Variants in TAFA5 observed in about 807,000 individuals in gnomAD.
The protein encoded by TAFA5 is TAFA chemokine like family member 5.
A neutral mutation model predicts 15.3 loss-of-function variants in TAFA5; 6 were observed. The observed-to-expected ratio is 0.39, with a 90% confidence interval of 0.21 to 0.77. The LOEUF is 0.77. TAFA5 is among the 30% of genes least tolerant of loss of function. TAFA5 has a pLI of 0.41. For missense variants in TAFA5, 161 were observed against 193.1 expected (o/e 0.83, Z 0.98); for synonymous variants, 103 against 80.7 (o/e 1.28, Z -1.48).
chr22:48,515,708 G>C (rs890937134), intron 1 of TAFA5, among the ~76,000 whole-genome samples: 22 of 152,322 alleles, frequency 1.4e-4, no homozygotes, highest in Middle Eastern at 3.4e-3. Context: ...GGAGGCCCCC[G>C]GCTCCAGGCG....
intron 1 of TAFA5, among the ~76,000 whole-genome samples, chr22:48,509,736 G>A (rs1317071103): frequency 1.3e-5 from 2 of 152,122 alleles, no homozygotes; most frequent in Admixed American, 6.5e-5. Flanking sequence ...CGGATCACGA[G>A]GTCAGAAGAT....
rs186967406 is a variant in TAFA5 at position 48,729,976 on chromosome 22, G to A, written c.391-19863G>A. ...CAGCATTGTCCCGAGGGCAGCAGCC[G>A]CCTCTGGGGATCCGTGTCCCTGGAA... On this transcript the variant is annotated intron_variant, in intron 3 of 3. Transcript: ENST00000402357. Among the ~76,000 whole-genome samples the A allele has an allele frequency of 7.4e-3, 1,119 of 152,160 alleles. 8 individuals carry two copies. Among genetic ancestry groups the A allele is most frequent in the Non-Finnish European group, 0.012 (814 of 67,996 alleles).
intron 2 of TAFA5, among the ~76,000 whole-genome samples, chr22:48,655,585 A>G (rs1445554428): frequency 6.6e-6 from 1 of 152,044 alleles, no homozygotes; most frequent in East Asian, 1.9e-4. Context: ...TGGAGCTTTC[A>G]TGACCTGAAC....
intron 1 of TAFA5, among the ~76,000 whole-genome samples, chr22:48,595,539 A>T (rs1375449175): frequency 6.6e-6 from 1 of 152,232 alleles, no homozygotes; most frequent in Non-Finnish European, 1.5e-5. Context: ...GATTGAAGCC[A>T]CTGGGGCTCT....
intron 1 of TAFA5, among the ~76,000 whole-genome samples, chr22:48,568,040 G>A (rs1923465448): frequency 6.6e-6 from 1 of 152,178 alleles, no homozygotes; most frequent in African/African-American, 2.4e-5. Flanking sequence ...GTGAGTTCAC[G>A]ACCTCTATTT....
At chr22:48,632,588 T>C (rs1926272188) in intron 1 of TAFA5, among the ~76,000 whole-genome samples, 1 of 151,544 alleles carries the variant, frequency 6.6e-6, no homozygotes, top group South Asian at 2.1e-4. Flanking sequence ...TGCCGGGCCC[T>C]GGAGAGGCTG....
At chr22:48,576,337 T>A in intron 1 of TAFA5, 1 of 1,064,454 alleles carries the variant, frequency 9.4e-7, no homozygotes. Context: ...GAGTGGCGCC[T>A]CCAGTCGCGG....
chr22:48,564,945 G>C (rs77281133), intron 1 of TAFA5, among the ~76,000 whole-genome samples: 87 of 152,358 alleles, frequency 5.7e-4, no homozygotes, highest in African/African-American at 2.0e-3. Context: ...AGCTGGGAGA[G>C]TTGTAAGCTG....
At chr22:48,700,333 G>A (rs1487028328) in intron 2 of TAFA5, among the ~76,000 whole-genome samples, 1 of 152,144 alleles carries the variant, frequency 6.6e-6, no homozygotes, top group Admixed American at 6.5e-5. Context: ...GGGTGGGGTA[G>A]GCATCGGCCT....
At chr22:48,710,301 G>A (rs1222560882) in intron 3 of TAFA5, among the ~76,000 whole-genome samples, 1 of 152,206 alleles carries the variant, frequency 6.6e-6, no homozygotes. Flanking sequence ...CTGTCAGGCT[G>A]CCTGGATAAT....
intron 3 of TAFA5, among the ~76,000 whole-genome samples, chr22:48,731,076 G>A (rs749405834): frequency 1.3e-5 from 2 of 152,146 alleles, no homozygotes; most frequent in Non-Finnish European, 2.9e-5. Context: ...GTGAATATAC[G>A]AATGATAAGA....
At position 48,489,949 on chromosome 22, in the gene TAFA5, C is replaced by G. The variant is rs1047283499; in HGVS notation, c.112+245C>G. Reference sequence around the variant, plus strand: ...GCCCGAGCCTCCCTTCCCTGACTCCCCGGCAGGGCCCGGGCTCCAGGCCCC... The same window carrying G: ...GCCCGAGCCTCCCTTCCCTGACTCCGCGGCAGGGCCCGGGCTCCAGGCCCC... On this transcript the variant is annotated intron_variant, in intron 1 of 3. Transcript: ENST00000402357. This position sits in a 1 kb window ranked among gnomAD's most constrained non-coding sequence, Gnocchi z 5.5. Among the ~76,000 whole-genome samples the G allele has an allele frequency of 1.3e-5, 2 of 151,810 alleles. No homozygotes were observed. The highest frequency in any genetic ancestry group is 4.8e-5 in the African/African-American group (2 of 41,386).
rs947003858 is a variant in TAFA5 at position 48,675,369 on chromosome 22, G to A, written c.262+28623G>A. 4.6e-5 allele frequency among the ~76,000 whole-genome samples: 7 copies of A among 152,362 alleles called. No homozygotes were observed. The South Asian group carries it at 6.2e-4, about 14-fold the overall frequency. ...AACTCTGGGCCTCAGAGGTTGCAGC[G>A]GGAGACAGAGCAGGGGATGCAGAGC... On this transcript the variant is annotated intron_variant, in intron 2 of 3. Coordinates refer to ENST00000402357, the MANE Select transcript of TAFA5 (RefSeq NM_001082967.3).
intron 1 of TAFA5, among the ~76,000 whole-genome samples, chr22:48,583,265 CACACCACACACCACACACAAAAT>C (rs1327929262): frequency 4.7e-5 from 7 of 149,568 alleles, no homozygotes; most frequent in Non-Finnish European, 7.4e-5. Context: ...ACACTATACA[CACACCACACACCACACACAAAAT>C]ACACCACACA....
intron 2 of TAFA5, among the ~76,000 whole-genome samples, chr22:48,649,700 G>A (rs922064920): frequency 3.9e-5 from 6 of 152,018 alleles, no homozygotes; most frequent in African/African-American, 1.4e-4. Context: ...CTGGCTGCCT[G>A]TATCTGGAGC....
chr22:48,699,485 G>T (rs1928835781), intron 2 of TAFA5, among the ~76,000 whole-genome samples: 2 of 152,198 alleles, frequency 1.3e-5, no homozygotes, highest in South Asian at 4.2e-4. Flanking sequence ...GCTCCAGGGT[G>T]GAGAGATGTA....
rs1322548976 is a variant in TAFA5 at position 48,640,857 on chromosome 22, C to T, written c.113-5740C>T. ...GACAACTTCTGTCTGAAGCTGAGACCGTGGGGGCACCGTGGCCCTTGTTGG... is the reference window on the plus strand; with the variant it reads ...GACAACTTCTGTCTGAAGCTGAGACTGTGGGGGCACCGTGGCCCTTGTTGG... On this transcript the variant is annotated intron_variant, in intron 1 of 3. Transcript: ENST00000402357. 6.1e-5 allele frequency among the ~76,000 whole-genome samples: 9 copies of T among 147,320 alleles called. No individual in the cohort carries two copies. The East Asian group carries it at 8.1e-4, about 13-fold the overall frequency.
Position 48,512,501 on chromosome 22 carries a change from G to A in TAFA5, c.112+22797G>A, listed in dbSNP as rs188508798. ...TGGGCACCTGTCATCCCAGCTACTC[G>A]GGAGGCTGAGGCAAGAGAGTGGCTT... On this transcript the variant is annotated intron_variant, in intron 1 of 3. Transcript: ENST00000402357. Among the ~76,000 whole-genome samples, 29 of 152,226 alleles carry A rather than the reference G, an allele frequency of 1.9e-4. No homozygotes were observed. The East Asian group carries it at 5.6e-3, about 29-fold the overall frequency.
intron 1 of TAFA5, among the ~76,000 whole-genome samples, chr22:48,491,931 ATAAT>A (rs1199983637): frequency 6.6e-6 from 1 of 152,240 alleles, no homozygotes; most frequent in African/African-American, 2.4e-5. Flanking sequence ...AGTAGCAGAA[ATAAT>A]TAATAACAGA....
Sources: allele counts gnomAD v4.1 joint callset (sites outside exome capture counted in the v4.1 genomes callset), GRCh38; gene constraint gnomAD v4.1.1; non-coding constraint Gnocchi (gnomAD v3.1); transcripts MANE v1.5; gene names NCBI Gene and HGNC (gene_info 2026-07-23, HGNC 2026-07-21).